The following PRKAR1A variants were observed in gnomAD, a reference collection of about 807,000 sequenced individuals.
PRKAR1A encodes protein kinase cAMP-dependent type I regulatory subunit alpha.
Under a neutral mutation model 52.0 loss-of-function variants are expected in PRKAR1A, and 3 were observed. The observed-to-expected ratio is 0.06, with a 90% CI of 0.03 to 0.15. PRKAR1A has a LOEUF of 0.15. Ranked by LOEUF, PRKAR1A falls within the 10% of genes least tolerant of loss-of-function variation. PRKAR1A has a pLI of 1.00. For missense variants in PRKAR1A, 240 were observed against 477.4 expected (o/e 0.50, Z 4.63); for synonymous variants, 188 against 168.4 (o/e 1.12, Z -0.90).
At chr17:68,438,179 T>C in the PRKAR1A span, among the ~76,000 whole-genome samples, 4 of 152,308 alleles carry the variant, frequency 2.6e-5, no homozygotes, top group East Asian at 5.8e-4. Flanking sequence ...TGTCCTCTTA[T>C]CACTTGCCAT....
chr17:68,539,247 A>C, intron 11 of PRKAR1A: 2 of 1,321,176 alleles, frequency 1.5e-6, no homozygotes, highest in Non-Finnish European at 2.2e-6. Context: ...TGGACCAGTG[A>C]AAACTGGAAG....
chr17:68,511,614 G>A (rs1016517141), upstream of PRKAR1A, among the ~76,000 whole-genome samples: 2 of 152,186 alleles, frequency 1.3e-5, no homozygotes, highest in African/African-American at 4.8e-5. Context: ...CCTTTCCCGT[G>A]CCTGGTTTCC....
At chr17:68,427,169 G>A in the PRKAR1A span, 1 of 1,614,136 alleles carries the variant, frequency 6.2e-7, no homozygotes, top group Admixed American at 1.7e-5. Context: ...CACTTGGTCT[G>A]GCTACGGTCG....
chr17:68,487,422 A>G, the PRKAR1A span, among the ~76,000 whole-genome samples: 1 of 152,224 alleles, frequency 6.6e-6, no homozygotes, highest in African/African-American at 2.4e-5. Flanking sequence ...TGAGAGGCAT[A>G]TAGTTATAAC....
chr17:68,421,931 C>G, the PRKAR1A span: 9 of 1,435,362 alleles, frequency 6.3e-6, no homozygotes, highest in Middle Eastern at 1.8e-4. Flanking sequence ...AGGCTGGGCA[C>G]TGTGGAATTT....
At position 68,532,275 on chromosome 17, in the gene PRKAR1A, T is replaced by G; in HGVS notation, c.*1826T>G. ...TTTGATCTTTGTTTAAATGCCAAAA[T>G]GTACTTAAATGAGTTACTTAGAATG... On this transcript the variant is annotated 3_prime_UTR_variant, in exon 11 of 11. Coordinates refer to ENST00000589228, the MANE Select transcript of PRKAR1A (RefSeq NM_002734.5). The G allele has an allele frequency of 9.6e-7, 1 of 1,044,386 alleles. No individual in the cohort carries two copies. Among genetic ancestry groups the G allele is most frequent in the Non-Finnish European group, 1.2e-6 (1 of 860,224 alleles). The allele number at this position is 1,044,386 out of a possible 1,614,324, so 64.7% of individuals were successfully genotyped here.
intron 7 of PRKAR1A, chr17:68,527,626 T>C (rs1332978273): frequency 3.8e-6 from 2 of 519,670 alleles, no homozygotes; most frequent in Admixed American, 3.2e-5. Flanking sequence ...GGGCATAATA[T>C]TGGCGGAAAA....
intron 11 of PRKAR1A, chr17:68,539,459 C>T: frequency 7.1e-7 from 1 of 1,410,522 alleles, no homozygotes; most frequent in Non-Finnish European, 1.0e-6. Context: ...CCTGAGGCTT[C>T]CTCTCTCCTC....
At chr17:68,510,198 C>CGAGAGAGAGAGAGAGAGAGAGA (rs2085246639), upstream of PRKAR1A, among the ~76,000 whole-genome samples, 1 of 79,164 alleles carries the variant, frequency 1.3e-5, no homozygotes. Context: ...AGAGAGAGAT[C>CGAGAGAGAGAGAGAGAGAGAGA]TATCTATTCT....
chr17:68,503,086 C>CACCACCTGTGAGTCT, the PRKAR1A span, among the ~76,000 whole-genome samples: 1 of 152,136 alleles, frequency 6.6e-6, no homozygotes, highest in Admixed American at 6.5e-5. Context: ...TCAGAGAAGA[C>CACCACCTGTGAGTCT]TCACAGATGG....
the PRKAR1A span, among the ~76,000 whole-genome samples, chr17:68,476,274 C>T: frequency 9.2e-5 from 14 of 152,176 alleles, no homozygotes; most frequent in Admixed American, 3.9e-4. Context: ...GTTAAAAACT[C>T]TCACTATGGC....
the PRKAR1A span, chr17:68,450,750 A>G: frequency 2.5e-6 from 4 of 1,612,916 alleles, no homozygotes; most frequent in Non-Finnish European, 3.4e-6. Flanking sequence ...CCTTATGGAC[A>G]AGATGTTGCT....
the PRKAR1A span, among the ~76,000 whole-genome samples, chr17:68,457,993 C>G: frequency 6.6e-6 from 1 of 152,210 alleles, no homozygotes; most frequent in African/African-American, 2.4e-5. Flanking sequence ...TAGTTCCCAC[C>G]CCGCCCAGAC....
downstream of PRKAR1A, chr17:68,533,451 C>T (rs911018398): frequency 2.7e-5 from 28 of 1,042,964 alleles, no homozygotes; most frequent in African/African-American, 4.2e-4. Context: ...GTTGACAGTC[C>T]TGGTTATAGT....
the PRKAR1A span, among the ~76,000 whole-genome samples, chr17:68,476,338 C>T: frequency 1.3e-5 from 2 of 152,196 alleles, no homozygotes; most frequent in Non-Finnish European, 2.9e-5. Context: ...GCAGAAGGAT[C>T]TCAGGTTATC....
At chr17:68,421,674 T>C in the PRKAR1A span, 9 of 1,555,566 alleles carry the variant, frequency 5.8e-6, no homozygotes, top group Non-Finnish European at 8.0e-6. Flanking sequence ...CCTGCCCCCC[T>C]TTCTGCTCAC....
At chr17:68,518,808 G>C (rs1002728392) in intron 2 of PRKAR1A, among the ~76,000 whole-genome samples, 25 of 152,316 alleles carry the variant, frequency 1.6e-4, no homozygotes, top group African/African-American at 6.0e-4. Context: ...GCTTTGTCAG[G>C]CTGCAAATTT....
At chr17:68,518,007 T>TA (rs1246185649) in intron 2 of PRKAR1A, among the ~76,000 whole-genome samples, 1 of 152,220 alleles carries the variant, frequency 6.6e-6, no homozygotes, top group Non-Finnish European at 1.5e-5. Context: ...AATTAAATCT[T>TA]AAAGTTGCAA....
upstream of PRKAR1A, among the ~76,000 whole-genome samples, chr17:68,510,155 T>TAGAGAGAGAGAGAGAGAGAG (rs1373007194): frequency 2.7e-5 from 2 of 74,370 alleles, no homozygotes; most frequent in Non-Finnish European, 5.9e-5. Context: ...TATATATATG[T>TAGAGAGAGAGAGAGAGAGAG]AGACAGAGAG....
Sources: allele counts gnomAD v4.1 joint callset (sites outside exome capture counted in the v4.1 genomes callset), GRCh38; gene constraint gnomAD v4.1.1; transcripts MANE v1.5; gene names NCBI Gene and HGNC (gene_info 2026-07-23, HGNC 2026-07-21).